GATD1: variants seen among roughly 807,000 people sequenced by gnomAD.
GATD1 encodes the protein glutamine amidotransferase-like class 1 domain-containing protein 1.
In GATD1, 23 loss-of-function variants were observed where a neutral mutation model predicts 25.9. The observed-to-expected ratio is 0.89, with a 90% CI of 0.64 to 1.26. The LOEUF (loss-of-function observed/expected upper bound fraction) is 1.26, where lower values mean the gene tolerates loss of function less well. GATD1 is among the 50% of genes most tolerant of loss of function. The probability of loss-of-function intolerance (pLI) is 0.00; values close to 1 mark genes in which losing one functional copy is unlikely to be tolerated. For synonymous variants in GATD1, 177 were observed against 134.6 expected (o/e 1.31, Z -2.18); for missense variants, 347 against 312.5 (o/e 1.11, Z -0.83).
Position 770,276 on chromosome 11 carries a change from T to C in GATD1, c.*621A>G, listed in dbSNP as rs1229205070. The C allele has an allele frequency of 6.8e-7, 1 of 1,466,750 alleles. No homozygotes were observed. 90.9% of individuals were successfully genotyped at this position (1,466,750 alleles called of 1,614,324 possible). ...TCATATTCACAAGTAAACGTGCCTC[T>C]CAATGCTTAGGACAGGGTGCATCAC... On this transcript the variant is annotated 3_prime_UTR_variant, in exon 8 of 8. Coordinates refer to ENST00000319863, the MANE Select transcript of GATD1 (RefSeq NM_182612.4).
In GATD1 at chr11:775,623, C is replaced by T. The variant is rs1863879933; in HGVS notation, c.65-481G>A. 2.0e-5 allele frequency among the ~76,000 whole-genome samples: 3 copies of T among 152,204 alleles called. No individual in the cohort carries two copies. In the South Asian group the frequency reaches 6.2e-4, roughly 31 times the overall value. On this transcript the variant is annotated intron_variant, in intron 1 of 7. Coordinates refer to ENST00000319863, the MANE Select transcript of GATD1 (RefSeq NM_182612.4). ...CTCACTGAACCACCAGGGACTCAGG[C>T]CCTCAGGCACCATGGAGAACGCAGA... is the stretch of plus-strand genomic sequence containing the variant.
intron 1 of GATD1, among the ~76,000 whole-genome samples, chr11:775,873 C>T (rs1191262738): frequency 2.0e-5 from 3 of 152,052 alleles, no homozygotes; most frequent in South Asian, 2.1e-4. Flanking sequence ...CCCTGCCTGC[C>T]GGAGAGCACT....
rs1018269075 is a variant in GATD1 at position 777,484 on chromosome 11, C to G, written c.-22G>C. 8.3e-6 allele frequency: 10 copies of G among 1,204,380 alleles called. No individual in the cohort carries two copies. Among genetic ancestry groups the G allele is most frequent in the Non-Finnish European group, 9.3e-6 (9 of 969,136 alleles). The allele number at this position is 1,204,380 out of a possible 1,614,324, so 74.6% of individuals were successfully genotyped here. A position where few individuals can be genotyped will look rare whatever the true frequency, so the allele number is the denominator to read the frequency against. ...CCATGGCTCGGGCTCGGCGCTGGGT[C>G]TGCGCGTGCGCGGCGTCTGGGCGCG... On this transcript the variant is annotated 5_prime_UTR_variant, in exon 1 of 8. Transcript: ENST00000319863.
chr11:774,179 C>A (rs1210756332), intron 2 of GATD1, 66 bp from the exon 3 acceptor site: 3 of 1,418,292 alleles, frequency 2.1e-6, no homozygotes, highest in East Asian at 4.6e-5. Flanking sequence ...TCAGAGGGAG[C>A]CTGAAAAAGC....
intron 1 of GATD1, among the ~76,000 whole-genome samples, chr11:775,910 G>A (rs867919828): frequency 1.3e-5 from 2 of 150,546 alleles, no homozygotes; most frequent in African/African-American, 2.4e-5. Flanking sequence ...AGTAGCGTGA[G>A]CTGTATCTCT....
At chr11:773,705 G>T in intron 3 of GATD1, 76 bp from the exon 4 acceptor site, 1 of 1,114,890 alleles carries the variant, frequency 9.0e-7, no homozygotes, top group African/African-American at 1.6e-5. Context: ...CCGAGTGCGT[G>T]GCCAGGACAG....
intron 4 of GATD1, 171 bp from the exon 5 acceptor site, chr11:772,692 A>G (rs987156577): frequency 3.2e-6 from 2 of 628,074 alleles, no homozygotes; most frequent in South Asian, 1.8e-5. Context: ...CTCAGCCCGC[A>G]CAGCTGGCAT....
chr11:773,455 G>A (rs978107167), intron 4 of GATD1, 67 bp downstream of exon 4: 10 of 1,314,990 alleles, frequency 7.6e-6, no homozygotes, highest in Non-Finnish European at 9.7e-6. Context: ...CTCTTCTGCT[G>A]GTGGGAGACC....
At chr11:774,635 A>G (rs1863782846) in intron 2 of GATD1, among the ~76,000 whole-genome samples, 1 of 152,242 alleles carries the variant, frequency 6.6e-6, no homozygotes, top group South Asian at 2.1e-4. Context: ...GTTCGAGACC[A>G]TCCTGGCCAA....
At position 769,793 on chromosome 11, in the gene GATD1, T is replaced by G. The variant is rs1019046863; in HGVS notation, c.*1104A>C. 8.3e-6 allele frequency: 4 copies of G among 480,836 alleles called. No individual in the cohort carries two copies. In the Admixed American group the frequency reaches 2.6e-4, roughly 31 times the overall value. The allele number at this position is 480,836 out of a possible 1,614,324, so 29.8% of individuals were successfully genotyped here. ...CCAGGCTAACTTTTTGTATTTTTGT[T>G]TTTTAGTAGAGATGGGGTTTCACCA... On this transcript the variant is annotated 3_prime_UTR_variant, in exon 8 of 8. Coordinates refer to ENST00000319863, the MANE Select transcript of GATD1 (RefSeq NM_182612.4).
rs1026800269 is a variant in GATD1, at chr11:769,082, C to T, written c.*1815G>A. 9.4e-6 allele frequency: 9 copies of T among 956,022 alleles called. No individual in the cohort carries two copies. Among genetic ancestry groups the T allele is most frequent in the South Asian group, 4.8e-5 (1 of 20,690 alleles). 59.2% of individuals were successfully genotyped at this position (956,022 alleles called of 1,614,324 possible). A position where few individuals can be genotyped will look rare whatever the true frequency, so the allele number is the denominator to read the frequency against. On this transcript the variant is annotated 3_prime_UTR_variant, in exon 8 of 8. Transcript: ENST00000319863. ...TGCCACTGCACTCCAGCCTGGGTGA[C>T]GAGAGACAAACTCCATCTCAAAAAA...
intron 5 of GATD1, among the ~76,000 whole-genome samples, chr11:772,155 G>T (rs1237062487): frequency 1.3e-5 from 2 of 152,160 alleles, no homozygotes; most frequent in East Asian, 3.9e-4. Flanking sequence ...TGGGCTTCCG[G>T]GAGACTAGGG....
intron 2 of GATD1, among the ~76,000 whole-genome samples, chr11:774,712 C>T (rs1863791124): frequency 6.6e-6 from 1 of 152,214 alleles, no homozygotes; most frequent in South Asian, 2.1e-4. Context: ...TGCCTGTAAT[C>T]CCAGCTACTC....
Position 770,897 on chromosome 11 carries a change from T to C in GATD1, c.663A>G (p.Ter221TrpextTer31). ...CAGGGGGTGCATCTACCCAGCAGGT[T>C]CATTTCCTGCAGGACAGACGTGTGG... ...NLLFLCGSRK[*>W] The change falls in exon 8 of 8, where the codon TGA (stop) becomes TGG (tryptophan). Residue 221 changes from the stop codon to tryptophan, a stop_lost. Transcript: ENST00000319863. The C allele has an allele frequency of 6.2e-7, 1 of 1,607,836 alleles. No homozygotes were observed. Among genetic ancestry groups the C allele is most frequent in the Non-Finnish European group, 8.5e-7 (1 of 1,176,064 alleles).
chr11:772,725 G>A, intron 4 of GATD1: 1 of 595,288 alleles, frequency 1.7e-6, no homozygotes, highest in Non-Finnish European at 3.0e-6. Flanking sequence ...CGGGGGAGCT[G>A]GTGCTTCAGG....
At chr11:775,361 C>T (rs1004641400) in intron 1 of GATD1, among the ~76,000 whole-genome samples, 1 of 152,240 alleles carries the variant, frequency 6.6e-6, no homozygotes, top group African/African-American at 2.4e-5. Context: ...CAGAGGGGCA[C>T]AGCCAGGTCT....
intron 6 of GATD1, 71 bp downstream of exon 6, chr11:771,262 T>C: frequency 6.4e-7 from 1 of 1,566,316 alleles, no homozygotes. Flanking sequence ...AGGAGGCTTC[T>C]CCCCCAGGCT....
chr11:775,822 G>A (rs1863903405), intron 1 of GATD1, among the ~76,000 whole-genome samples: 1 of 151,898 alleles, frequency 6.6e-6, no homozygotes, highest in South Asian at 2.1e-4. Flanking sequence ...GAAGGCTCTG[G>A]GGGCCTCTGT....
At position 774,049 on chromosome 11, in the gene GATD1, A is replaced by G; in HGVS notation, c.206T>C (p.Leu69Pro). 1 of 1,613,678 alleles carries G rather than the reference A, an allele frequency of 6.2e-7. No individual in the cohort carries two copies. The highest frequency in any genetic ancestry group is 1.7e-5 in the Admixed American group (1 of 60,024). The change falls in exon 3 of 8, where the codon CTC (leucine) becomes CCC (proline). Residue 69 changes from leucine to proline, a missense_variant. Physicochemically the swap from Leu to Pro is moderately conservative, Grantham distance 98. Transcript: ENST00000319863. Reference sequence around the variant, plus strand: ...CTTGGCGGGGCTGGCGTAAGCCTTGAGGCGGAAGTCTTGCACCCAGCGTGC... The same window carrying G: ...CTTGGCGGGGCTGGCGTAAGCCTTGGGGCGGAAGTCTTGCACCCAGCGTGC... ...SNARWVQDFR[L>P]KAYASPAKLE...
Sources: allele counts gnomAD v4.1 joint callset (sites outside exome capture counted in the v4.1 genomes callset), GRCh38; gene constraint gnomAD v4.1.1; transcripts MANE v1.5; gene names NCBI Gene and HGNC (gene_info 2026-07-23, HGNC 2026-07-21).